Variants in NWD2 observed in about 807,000 individuals in gnomAD.
NWD2 encodes the protein NACHT and WD repeat domain-containing protein 2.
NWD2 carries 37 observed loss-of-function variants against 132.7 expected under a neutral mutation model. The observed-to-expected ratio is 0.28, with a 90% confidence interval of 0.21 to 0.37. The LOEUF (loss-of-function observed/expected upper bound fraction) is 0.37, where lower values mean the gene tolerates loss of function less well. Ranked by LOEUF, NWD2 falls within the 10% of genes least tolerant of loss-of-function variation. The pLI is 1.00. For synonymous variants in NWD2, 705 were observed against 803.0 expected (o/e 0.88, Z 2.06); for missense variants, 1,592 against 2,122.4 (o/e 0.75, Z 4.91).
chr4:37,252,809 G>T (rs959377466), intron 1 of NWD2, among the ~76,000 whole-genome samples: 2 of 152,144 alleles, frequency 1.3e-5, no homozygotes, highest in African/African-American at 4.8e-5. Flanking sequence ...AATGGAAGCT[G>T]CCCATCCTCT....
intron 3 of NWD2, among the ~76,000 whole-genome samples, chr4:37,426,650 C>T (rs1712017437): frequency 1.3e-5 from 2 of 152,186 alleles, no homozygotes; most frequent in South Asian, 4.1e-4. Context: ...CATATATGCA[C>T]TGCCCATAGC....
chr4:37,382,684 T>A (rs888402542), intron 3 of NWD2, among the ~76,000 whole-genome samples: 21 of 152,054 alleles, frequency 1.4e-4, no homozygotes, highest in African/African-American at 4.6e-4. Flanking sequence ...TTTTTATTTT[T>A]TATATATTTA....
chr4:37,441,695 G>T (rs1332156436), intron 6 of NWD2, among the ~76,000 whole-genome samples: 2 of 152,200 alleles, frequency 1.3e-5, no homozygotes, highest in East Asian at 3.9e-4. Flanking sequence ...TCCAGGAGTC[G>T]GGTCCTCCAA....
At chr4:37,378,427 G>A (rs1720390551) in intron 3 of NWD2, among the ~76,000 whole-genome samples, 1 of 152,240 alleles carries the variant, frequency 6.6e-6, no homozygotes, top group Admixed American at 6.5e-5. Flanking sequence ...GTGACAGGGT[G>A]TCAGTTGTTG....
chr4:37,288,091 G>A lies in NWD2; in HGVS notation c.152-37845G>A, dbSNP rs139900566. ...AATGAAACACCACATGTTCTCACTC[G>A]TAAGTGAGAGTTGAACATTGAGAAC... On this transcript the variant is annotated intron_variant, in intron 1 of 6. Transcript: ENST00000309447. Among the ~76,000 whole-genome samples, 498 of 152,200 alleles carry A rather than the reference G, an allele frequency of 3.3e-3. 4 individuals carry two copies. The highest frequency in any genetic ancestry group is 0.011 in the African/African-American group (461 of 41,522).
At chr4:37,295,123 G>A (rs990535) in intron 1 of NWD2, among the ~76,000 whole-genome samples, 53,298 of 151,992 alleles carry the variant, frequency 0.35, 9,536 homozygotes, top group South Asian at 0.41. Flanking sequence ...TTTCTCTATA[G>A]CTCTCTGCTT....
chr4:37,259,660 T>C (rs748927363), intron 1 of NWD2, among the ~76,000 whole-genome samples: 1 of 152,170 alleles, frequency 6.6e-6, no homozygotes, highest in Non-Finnish European at 1.5e-5. Context: ...TACCCCAGCT[T>C]GACAGGGCCT....
chr4:37,274,504 A>C (rs184907403), intron 1 of NWD2, among the ~76,000 whole-genome samples: 4 of 152,322 alleles, frequency 2.6e-5, no homozygotes, highest in Admixed American at 2.6e-4. Flanking sequence ...CCAGCGGTAC[A>C]AGAAGGAGCT....
chr4:37,335,616 C>A (rs573963915), intron 2 of NWD2, among the ~76,000 whole-genome samples: 1 of 152,008 alleles, frequency 6.6e-6, no homozygotes, highest in African/African-American at 2.4e-5. Flanking sequence ...AGCATTACCG[C>A]CTGAGCTCCT....
chr4:37,425,592 T>G (rs948788978), intron 3 of NWD2, among the ~76,000 whole-genome samples: 3 of 152,238 alleles, frequency 2.0e-5, no homozygotes, highest in Admixed American at 6.5e-5. Flanking sequence ...GTCATATGCA[T>G]TTCTTCTGTC....
intron 3 of NWD2, 94 bp downstream of exon 3, chr4:37,356,576 G>A: frequency 2.5e-6 from 2 of 793,544 alleles, no homozygotes; most frequent in Non-Finnish European, 4.0e-6. Flanking sequence ...TTTAAATGAG[G>A]GGGAAAAAGA....
At position 37,302,992 on chromosome 4, in the gene NWD2, C is replaced by T. The variant is rs185964278; in HGVS notation, c.152-22944C>T. ...CCATTTGTCATTTTTGCTTTGTTACCTGGGCTTTAGAAGTCATATCCACAA... is the reference window on the plus strand; with the variant it reads ...CCATTTGTCATTTTTGCTTTGTTACTTGGGCTTTAGAAGTCATATCCACAA... On this transcript the variant is annotated intron_variant, in intron 1 of 6. Coordinates refer to ENST00000309447, the MANE Select transcript of NWD2 (RefSeq NM_001144990.2). 3.3e-5 allele frequency among the ~76,000 whole-genome samples: 5 copies of T among 152,166 alleles called. No individual in the cohort carries two copies. The East Asian group carries it at 9.6e-4, about 29-fold the overall frequency.
chr4:37,355,481 G>C (rs973464067), intron 2 of NWD2, among the ~76,000 whole-genome samples: 2 of 152,154 alleles, frequency 1.3e-5, no homozygotes, highest in Non-Finnish European at 2.9e-5. Flanking sequence ...AACTCATACT[G>C]TGAGCTTCCA....
rs573448660 is a variant in NWD2, at chr4:37,320,038, A to C, written c.152-5898A>C. The stretch of plus-strand genomic sequence containing the variant: ...ATGACATTGGTAGTTTGATAGGAAT[A>C]GCATTGAATCTGTAGATTGCTTTAG... On this transcript the variant is annotated intron_variant, in intron 1 of 6. Transcript: ENST00000309447. 2.6e-5 allele frequency among the ~76,000 whole-genome samples: 4 copies of C among 152,326 alleles called. No homozygotes were observed. The South Asian group carries it at 8.3e-4, about 32-fold the overall frequency.
Position 37,449,215 on chromosome 4 carries a change from C to T in NWD2, c.*1998C>T, listed in dbSNP as rs1712722486. ...GTATGTGAATGTTCTATGTAAAAGC[C>T]AATAGAGTATACAAGTGACTTGAAT... On this transcript the variant is annotated 3_prime_UTR_variant, in exon 7 of 7. Transcript: ENST00000309447. The T allele has an allele frequency of 6.6e-6, 1 of 152,104 alleles. No individual in the cohort carries two copies. Among genetic ancestry groups the T allele is most frequent in the Non-Finnish European group, 1.5e-5 (1 of 68,014 alleles). 9.4% of individuals were successfully genotyped at this position (152,104 alleles called of 1,614,324 possible).
At chr4:37,330,081 G>T (rs1044603076) in intron 2 of NWD2, among the ~76,000 whole-genome samples, 2 of 152,132 alleles carry the variant, frequency 1.3e-5, no homozygotes, top group African/African-American at 4.8e-5. Context: ...AAATTAATAC[G>T]CATTTTAAGC....
chr4:37,377,749 A>C (rs924720396), intron 3 of NWD2, among the ~76,000 whole-genome samples: 2 of 152,238 alleles, frequency 1.3e-5, no homozygotes, highest in African/African-American at 4.8e-5. Flanking sequence ...AGAAAAGTTC[A>C]GGAGGAAAGA....
At chr4:37,253,734 T>C (rs1470469087) in intron 1 of NWD2, among the ~76,000 whole-genome samples, 1 of 152,126 alleles carries the variant, frequency 6.6e-6, no homozygotes, top group African/African-American at 2.4e-5. Context: ...AAAAGTCACA[T>C]ATTTCTCTAT....
intron 1 of NWD2, among the ~76,000 whole-genome samples, chr4:37,257,732 G>T (rs1055529475): frequency 1.3e-5 from 2 of 152,154 alleles, no homozygotes; most frequent in African/African-American, 4.8e-5. Flanking sequence ...GAAGGGATCT[G>T]CTGTTTACCA....
Sources: gnomAD v4.1 joint callset for allele counts (sites outside exome capture counted in the v4.1 genomes callset) on GRCh38, gnomAD v4.1.1 for gene constraint, MANE v1.5 for transcripts, NCBI Gene and HGNC (gene_info 2026-07-23, HGNC 2026-07-21) for gene names.